Variants in ZNF699 observed in about 807,000 individuals in gnomAD.
ZNF699 encodes zinc finger protein 699, also known as hangover homolog.
A neutral mutation model predicts 22.5 loss-of-function variants in ZNF699; 18 were observed. The observed-to-expected ratio is 0.80, with a 90% CI of 0.55 to 1.19. The LOEUF is 1.19. ZNF699 is among the 50% of genes most tolerant of loss of function. The pLI, the probability that ZNF699 is intolerant of heterozygous loss-of-function variation, is 0.00. For missense variants in ZNF699, 670 were observed against 763.4 expected (o/e 0.88, Z 1.44); for synonymous variants, 241 against 262.3 (o/e 0.92, Z 0.78).
chr19:9,295,586 C>T lies in ZNF699; in HGVS notation c.1818G>A (p.Val606=), dbSNP rs758753107. The T allele has an allele frequency of 1.2e-6, 2 of 1,611,694 alleles. No homozygotes were observed. Among genetic ancestry groups the T allele is most frequent in the Non-Finnish European group, 1.7e-6 (2 of 1,179,394 alleles). The part of the protein sequence containing the change: ...FSCPSSFRRH[V]RSHTGEKPYE... Reference sequence around the variant, plus strand: ...AGGGTTTCTCTCCAGTGTGGCTTCTCACATGCCTTCGAAAGGATGAGGGAC... The same window carrying T: ...AGGGTTTCTCTCCAGTGTGGCTTCTTACATGCCTTCGAAAGGATGAGGGAC... The change falls in exon 6 of 6, where the codon GTG becomes GTA. Residue 606 remains valine, a synonymous_variant. Coordinates refer to ENST00000591998, the MANE Select transcript of ZNF699 (RefSeq NM_198535.3).
Position 9,292,651 on chromosome 19 carries a change from G to C in ZNF699, c.*2824C>G, listed in dbSNP as rs958745337. Among the ~76,000 whole-genome samples the C allele has an allele frequency of 1.3e-5, 2 of 151,990 alleles. No homozygotes were observed. The highest frequency in any genetic ancestry group is 4.8e-5 in the African/African-American group (2 of 41,344). ...ACAAATTCCCTTTAAAGAGTGAAAA[G>C]ACAAGACAGAGATTGGGAAATGTTA... On this transcript the variant is annotated 3_prime_UTR_variant, in exon 6 of 6. Transcript: ENST00000591998.
rs565542281 is a variant in ZNF699, at chr19:9,294,093, TC to T, written c.*1381del. ...CTTTTGAGACTTGCGAACGTATTTT[TC>T]CCCATGAATAGCATGACATGATGCG... On this transcript the variant is annotated 3_prime_UTR_variant, in exon 6 of 6. Transcript: ENST00000591998. Among the ~76,000 whole-genome samples the T allele has an allele frequency of 1.7e-4, 26 of 152,230 alleles. No individual in the cohort carries two copies. In the South Asian group the frequency reaches 5.2e-3, roughly 30 times the overall value.
chr19:9,297,006 C>T lies in ZNF699; in HGVS notation c.471-73G>A, dbSNP rs548813912. 77 of 1,307,510 alleles carry T rather than the reference C, an allele frequency of 5.9e-5. 1 individual carries two copies. In the South Asian group the frequency reaches 1.2e-3, roughly 20 times the overall value. 81.0% of individuals were successfully genotyped at this position (1,307,510 alleles called of 1,614,324 possible). ...TCAGTGAATGTATATGTTTTCTGCC[C>T]TTCTGTCAAGTTTAAGCTGAAAGTT... On this transcript the variant is annotated intron_variant, in intron 5 of 5. Transcript: ENST00000591998. The surrounding 1 kb of genome is among the most constrained non-coding windows in gnomAD (Gnocchi z 4.3).
In ZNF699 at chr19:9,297,366, A is replaced by G; in HGVS notation, c.400T>C (p.Ser134Pro). The G allele has an allele frequency of 6.2e-7, 1 of 1,602,882 alleles. No homozygotes were observed. Among genetic ancestry groups the G allele is most frequent in the Non-Finnish European group, 8.5e-7 (1 of 1,178,128 alleles). ...GACTCCTGGTTTTCATGTAAACTGG[A>G]GAACCAGGAATCATTCCTTTTGAAT... ...VRFKRNDSWF[S>P]SLHENQESCG... The change falls in exon 5 of 6, where the codon TCC becomes CCC. Residue 134 changes from serine (S) to proline (P), a missense_variant. By Grantham distance (74) the Ser-to-Pro change is moderately conservative. Transcript: ENST00000591998. This position sits in a 1 kb window ranked among gnomAD's most constrained non-coding sequence, Gnocchi z 4.3.
rs567752824 is a variant in ZNF699, at chr19:9,293,991, C to G, written c.*1484G>C. On this transcript the variant is annotated 3_prime_UTR_variant, in exon 6 of 6. Transcript: ENST00000591998. ...AAGGTGTCAAGTATAAATCTTCCTCCATTAAAACAGGATGATACCCTGTGG... is the reference window on the plus strand; with the variant it reads ...AAGGTGTCAAGTATAAATCTTCCTCGATTAAAACAGGATGATACCCTGTGG... 1.4e-4 allele frequency among the ~76,000 whole-genome samples: 21 copies of G among 151,834 alleles called. 1 individual carries two copies. The South Asian group carries it at 4.4e-3, about 32-fold the overall frequency.
intron 1 of ZNF699, among the ~76,000 whole-genome samples, chr19:9,308,979 C>T (rs1032586544): frequency 5.3e-5 from 8 of 152,196 alleles, no homozygotes; most frequent in Admixed American, 5.2e-4. Flanking sequence ...TGTCCACAGG[C>T]AGAATATAAT....
intron 1 of ZNF699, among the ~76,000 whole-genome samples, chr19:9,305,697 G>A (rs563950987): frequency 1.3e-5 from 2 of 150,900 alleles, no homozygotes; most frequent in African/African-American, 4.9e-5. Flanking sequence ...CTGAGAAAGA[G>A]CATCAGCCTA....
At chr19:9,299,332 C>T (rs1034530229) in intron 3 of ZNF699, among the ~76,000 whole-genome samples, 4 of 152,204 alleles carry the variant, frequency 2.6e-5, no homozygotes, top group Admixed American at 2.0e-4. Context: ...GACGGGGTTA[C>T]ACCGTGTTAG....
chr19:9,296,275 T>G lies in ZNF699; in HGVS notation c.1129A>C (p.Lys377Gln). 1 of 1,612,262 alleles carries G rather than the reference T, an allele frequency of 6.2e-7. No individual in the cohort carries two copies. The highest frequency in any genetic ancestry group is 1.1e-5 in the South Asian group (1 of 90,980). Residue 377 changes from lysine to glutamine, a missense_variant, in exon 6 of 6, where the codon AAA becomes CAA. By Grantham distance (53) the Lys-to-Gln change is moderately conservative. Transcript: ENST00000591998. ...TGTGTCCTCCCATGTACAGTGAGTT[T>G]TGAGGACTCGCTGAAGGCCTTCCCA... ...ECGKAFSESS[K>Q]LTVHGRTHTG... is the part of the protein sequence containing the mutation.
At chr19:9,307,006 G>A (rs2066329997) in intron 1 of ZNF699, among the ~76,000 whole-genome samples, 2 of 152,174 alleles carry the variant, frequency 1.3e-5, no homozygotes, top group Non-Finnish European at 2.9e-5. Context: ...TTCAAGACCA[G>A]CCTGGCCAAA....
rs780219187 is a variant in ZNF699, at chr19:9,294,647, G to A, written c.*828C>T. ...GTCTAACCTAGAACTGGAGAAAAAA[G>A]TGATTCTGGGAAATGTAGTTAATGT... On this transcript the variant is annotated 3_prime_UTR_variant, in exon 6 of 6. Coordinates refer to ENST00000591998, the MANE Select transcript of ZNF699 (RefSeq NM_198535.3). The A allele has an allele frequency of 6.6e-6, 1 of 152,134 alleles. No individual in the cohort carries two copies. Among genetic ancestry groups the A allele is most frequent in the South Asian group, 2.1e-4 (1 of 4,832 alleles). 9.4% of individuals were successfully genotyped at this position (152,134 alleles called of 1,614,324 possible).
rs377145796 is a variant in ZNF699, at chr19:9,304,948, C to T, written c.48+124G>A. On this transcript the variant is annotated intron_variant, in intron 2 of 5. Coordinates refer to ENST00000591998, the MANE Select transcript of ZNF699 (RefSeq NM_198535.3). Reference sequence around the variant, plus strand: ...AAAAAAAAAAAAAAAAAACTATAGCCTTCAGTGCCTAAAATACTATGTGGT... The same window carrying T: ...AAAAAAAAAAAAAAAAAACTATAGCTTTCAGTGCCTAAAATACTATGTGGT... 1.9e-4 allele frequency: 110 copies of T among 592,172 alleles called. 2 individuals carry two copies. The highest frequency in any genetic ancestry group is 1.8e-3 in the African/African-American group (93 of 51,484). The allele number at this position is 592,172 out of a possible 1,614,324, so 36.7% of individuals were successfully genotyped here.
chr19:9,293,359 G>C lies in ZNF699; in HGVS notation c.*2116C>G, dbSNP rs182672776. Reference sequence around the variant, plus strand: ...TGTTTTGGGGATTATTCGTGGAATCGATATTTTTTGAAAACTGCAATACCT... The same window carrying C: ...TGTTTTGGGGATTATTCGTGGAATCCATATTTTTTGAAAACTGCAATACCT... On this transcript the variant is annotated 3_prime_UTR_variant, in exon 6 of 6. Transcript: ENST00000591998. Among the ~76,000 whole-genome samples the C allele has an allele frequency of 1.8e-3, 277 of 152,148 alleles. No homozygotes were observed. Among genetic ancestry groups the C allele is most frequent in the Admixed American group, 4.2e-3 (64 of 15,278 alleles).
rs2066288276 is a variant in ZNF699, at chr19:9,296,717, C to T, written c.687G>A (p.Gly229=). The change falls in exon 6 of 6, where the codon GGG becomes GGA. Residue 229 remains glycine (G), a synonymous_variant. Transcript: ENST00000591998. The part of the protein sequence containing the change: ...GSKPYQCKEC[G]KAFHFLACFK... ...AACAAGCAAGAAAATGGAAGGCCTT[C>T]CCACATTCCTTGCACTGATAGGGTT... 1.9e-6 allele frequency: 3 copies of T among 1,613,840 alleles called. No individual in the cohort carries two copies. The highest frequency in any genetic ancestry group is 1.3e-5 in the African/African-American group (1 of 74,894).
intron 1 of ZNF699, 46 bp downstream of exon 1, chr19:9,309,304 G>T: frequency 6.6e-6 from 1 of 151,892 alleles, no homozygotes; most frequent in Non-Finnish European, 1.5e-5. Flanking sequence ...GCATAAAGAG[G>T]GGACAGGAGG....
chr19:9,305,377 C>T (rs1481645775), intron 1 of ZNF699, among the ~76,000 whole-genome samples: 6 of 152,138 alleles, frequency 3.9e-5, no homozygotes, highest in Admixed American at 3.9e-4. Context: ...CAAAACAGTG[C>T]TCTGGTCCTT....
Position 9,292,823 on chromosome 19 carries a change from T to A in ZNF699, c.*2652A>T, listed in dbSNP as rs1599248232. ...AAGTAACCAGAAGGAAACCTTTCAA[T>A]TTTTTTTTTTTTTTAAAAAGGAACC... On this transcript the variant is annotated 3_prime_UTR_variant, in exon 6 of 6. Transcript: ENST00000591998. Among the ~76,000 whole-genome samples the A allele has an allele frequency of 2.1e-5, 1 of 48,354 alleles. No homozygotes were observed. 31.7% of individuals were successfully genotyped at this position (48,354 alleles called of 152,430 possible). A position where few individuals can be genotyped will look rare whatever the true frequency, so the allele number is the denominator to read the frequency against.
chr19:9,298,104 G>T, intron 3 of ZNF699, 114 bp from the exon 4 acceptor site: 1 of 625,600 alleles, frequency 1.6e-6, no homozygotes, highest in Admixed American at 2.8e-5. Flanking sequence ...ACAACTGTGA[G>T]TTTAACTGCA....
intron 3 of ZNF699, among the ~76,000 whole-genome samples, chr19:9,299,605 A>G (rs2066299840): frequency 2.0e-5 from 3 of 152,142 alleles, no homozygotes; most frequent in African/African-American, 4.8e-5. Flanking sequence ...CACCCTGGCA[A>G]TGATATTTTA....
Sources: allele counts gnomAD v4.1 joint callset (sites outside exome capture counted in the v4.1 genomes callset), GRCh38; gene constraint gnomAD v4.1.1; non-coding constraint Gnocchi (gnomAD v3.1); transcripts MANE v1.5; gene names NCBI Gene and HGNC (gene_info 2026-07-23, HGNC 2026-07-21).